Variants in SCAI observed in about 807,000 individuals in gnomAD.
SCAI encodes protein SCAI.
In SCAI, 24 loss-of-function variants were observed where a neutral mutation model predicts 92.2. The ratio of observed to expected loss-of-function variants is 0.26; its 90% confidence interval spans 0.19 to 0.37. The LOEUF (loss-of-function observed/expected upper bound fraction) is 0.37, where lower values mean the gene tolerates loss of function less well. SCAI is among the 10% of genes least tolerant of loss of function. The probability of loss-of-function intolerance (pLI) is 1.00; values close to 1 mark genes in which losing one functional copy is unlikely to be tolerated. For missense variants in SCAI, 450 were observed against 736.2 expected (o/e 0.61, Z 4.50); for synonymous variants, 261 against 258.6 (o/e 1.01, Z -0.09).
chr9:125,132,202 C>T (rs897239781), intron 2 of SCAI, among the ~76,000 whole-genome samples: 1 of 151,894 alleles, frequency 6.6e-6, no homozygotes, highest in South Asian at 2.1e-4. Context: ...CAACCACCAG[C>T]TCCTGGGTTT....
intron 14 of SCAI, among the ~76,000 whole-genome samples, chr9:124,983,933 C>T (rs1330571825): frequency 6.6e-6 from 1 of 152,118 alleles, no homozygotes; most frequent in Non-Finnish European, 1.5e-5. Flanking sequence ...CTGTGTTGTG[C>T]AGGAATTAAA....
chr9:125,035,570 T>A (rs962583448), intron 3 of SCAI, among the ~76,000 whole-genome samples: 1 of 152,104 alleles, frequency 6.6e-6, no homozygotes, highest in Non-Finnish European at 1.5e-5. Flanking sequence ...ATGCCTTAGT[T>A]CCTCATTTAT....
Position 125,010,876 on chromosome 9 carries a change from A to G in SCAI, c.862-7306T>C, listed in dbSNP as rs529963834. ...CAGACAGCAGCATTCACGGTTCACG[A>G]AAATCCGCTGTTCTGCAGCCACCAC... On this transcript the variant is annotated intron_variant, in intron 9 of 17. Transcript: ENST00000336505. 1.0e-3 allele frequency among the ~76,000 whole-genome samples: 153 copies of G among 152,314 alleles called. 1 individual carries two copies. The highest frequency in any genetic ancestry group is 1.8e-3 in the Non-Finnish European group (123 of 68,034).
At chr9:125,082,397 G>A (rs1023120773) in intron 2 of SCAI, among the ~76,000 whole-genome samples, 2 of 152,244 alleles carry the variant, frequency 1.3e-5, no homozygotes, top group Non-Finnish European at 2.9e-5. Flanking sequence ...CCCTCATGGA[G>A]AACCTCTGCT....
chr9:124,986,256 A>C (rs574620846), intron 14 of SCAI, among the ~76,000 whole-genome samples: 7 of 152,346 alleles, frequency 4.6e-5, no homozygotes, highest in Admixed American at 4.6e-4. Context: ...ACGCCACTGC[A>C]CTCCAGCCTG....
chr9:125,016,365 G>C (rs907362904), intron 9 of SCAI, among the ~76,000 whole-genome samples: 1 of 147,500 alleles, frequency 6.8e-6, no homozygotes, highest in Non-Finnish European at 1.5e-5. Flanking sequence ...TCCAGCCTAG[G>C]AGACAGAGCA....
chr9:124,983,512 C>A (rs1831929016), intron 14 of SCAI, among the ~76,000 whole-genome samples: 1 of 152,088 alleles, frequency 6.6e-6, no homozygotes, highest in African/African-American at 2.4e-5. Context: ...GCCACCACAC[C>A]CGGCTAATTT....
chr9:125,003,056 T>C (rs549470244), intron 11 of SCAI, 58 bp downstream of exon 11: 6 of 1,105,194 alleles, frequency 5.4e-6, no homozygotes, highest in South Asian at 1.3e-5. Context: ...GAGTGACTCT[T>C]AGATTTTAGT....
chr9:125,093,144 T>G (rs1340510433), intron 2 of SCAI, among the ~76,000 whole-genome samples: 1 of 152,124 alleles, frequency 6.6e-6, no homozygotes, highest in East Asian at 1.9e-4. Flanking sequence ...GTGGATCACT[T>G]GAGGTCAGGA....
At chr9:125,066,927 G>A (rs1833883402) in intron 2 of SCAI, among the ~76,000 whole-genome samples, 1 of 152,126 alleles carries the variant, frequency 6.6e-6, no homozygotes. Flanking sequence ...TGCAGCCCAG[G>A]AGCAACAGGC....
intron 9 of SCAI, among the ~76,000 whole-genome samples, chr9:125,006,367 C>A (rs1051830854): frequency 1.3e-5 from 2 of 152,112 alleles, no homozygotes; most frequent in African/African-American, 4.8e-5. Context: ...GAGATGCACA[C>A]CCCCATCCCC....
chr9:125,072,609 T>A (rs957293756), intron 2 of SCAI, among the ~76,000 whole-genome samples: 1 of 152,292 alleles, frequency 6.6e-6, no homozygotes, highest in Non-Finnish European at 1.5e-5. Context: ...ATCCATAGCA[T>A]TGTATAGCCA....
chr9:125,050,243 A>G (rs544983854), intron 3 of SCAI, among the ~76,000 whole-genome samples: 2 of 152,314 alleles, frequency 1.3e-5, no homozygotes, highest in East Asian at 3.9e-4. Context: ...TATAAGGGCC[A>G]TAGACCTACT....
chr9:125,076,755 G>A (rs1218425478), intron 2 of SCAI, among the ~76,000 whole-genome samples: 5 of 151,944 alleles, frequency 3.3e-5, no homozygotes, highest in African/African-American at 1.2e-4. Context: ...CTGGAGTGCA[G>A]TGGCGTGATC....
intron 2 of SCAI, among the ~76,000 whole-genome samples, chr9:125,097,028 C>T (rs545772826): frequency 3.4e-4 from 52 of 152,092 alleles, no homozygotes; most frequent in African/African-American, 7.2e-4. Flanking sequence ...TGGTAGGAAA[C>T]TTCTTTGATT....
At chr9:124,963,461 T>C (rs1831481093) in intron 17 of SCAI, among the ~76,000 whole-genome samples, 2 of 151,732 alleles carry the variant, frequency 1.3e-5, no homozygotes, top group South Asian at 2.1e-4. Flanking sequence ...CTAAGAAAAT[T>C]GGCCAGGGCT....
chr9:125,002,225 A>G (rs1456356543), intron 11 of SCAI, among the ~76,000 whole-genome samples, 182 bp from the exon 12 acceptor site: 1 of 152,210 alleles, frequency 6.6e-6, no homozygotes, highest in Non-Finnish European at 1.5e-5. Context: ...GAGATTCATT[A>G]TTAATCTATA....
At chr9:124,991,720 C>T (rs934240840) in intron 14 of SCAI, among the ~76,000 whole-genome samples, 1 of 151,902 alleles carries the variant, frequency 6.6e-6, no homozygotes, top group Non-Finnish European at 1.5e-5. Flanking sequence ...GCCTCTAGTC[C>T]CAGCTACTTG....
rs1343876072 is a variant in SCAI, at chr9:125,003,151, A to C, written c.1028T>G (p.Phe343Cys). 6.2e-7 allele frequency: 1 copy of C among 1,613,908 alleles called. No homozygotes were observed. Among genetic ancestry groups the C allele is most frequent in the Non-Finnish European group, 8.5e-7 (1 of 1,179,906 alleles). Residue 343 changes from phenylalanine to cysteine, a missense_variant, in exon 11 of 18, where the codon TTC (phenylalanine) becomes TGC (cysteine). Physicochemically the swap from Phe to Cys is radical, Grantham distance 205 (BLOSUM62 -2). Coordinates refer to ENST00000336505, the MANE Select transcript of SCAI (RefSeq NM_001144877.3). ...PHKYLLYKPTFSQLYTFLAAS... is the reference protein window; with the variant it reads ...PHKYLLYKPTCSQLYTFLAAS... ...TGCTAAGAAGGTATATAGCTGGCTG[A>C]AGGTTGGTTTGTAGAGCAGATACTT...
Sources: allele counts gnomAD v4.1 joint callset (sites outside exome capture counted in the v4.1 genomes callset), GRCh38; gene constraint gnomAD v4.1.1; transcripts MANE v1.5; gene names NCBI Gene and HGNC (gene_info 2026-07-23, HGNC 2026-07-21).